NLN: variants seen among roughly 807,000 people sequenced by gnomAD.
The protein encoded by NLN is neurolysin.
A neutral mutation model predicts 79.9 loss-of-function variants in NLN; 64 were observed. The observed-to-expected ratio is 0.80, with a 90% CI of 0.65 to 0.99. The LOEUF (loss-of-function observed/expected upper bound fraction) is 0.99. NLN is among the 50% of genes least tolerant of loss of function. NLN has a pLI of 0.00. For missense variants in NLN, 835 were observed against 858.7 expected (o/e 0.97, Z 0.34); for synonymous variants, 267 against 296.6 (o/e 0.90, Z 1.02).
Position 65,823,170 on chromosome 5 carries a change from A to C in NLN, c.*255A>C. On this transcript the variant is annotated 3_prime_UTR_variant, in exon 13 of 13. Coordinates refer to ENST00000380985, the MANE Select transcript of NLN (RefSeq NM_020726.5). ...TTTGATTTCTTTTTATGAAAGTTTC[A>C]TATGAATGTAACTTGATTTTTTACT... is the stretch of plus-strand genomic sequence containing the variant. 1 of 368,066 alleles carries C rather than the reference A, an allele frequency of 2.7e-6. No individual in the cohort carries two copies. Among genetic ancestry groups the C allele is most frequent in the South Asian group, 4.5e-5 (1 of 22,254 alleles). 22.8% of individuals were successfully genotyped at this position (368,066 alleles called of 1,614,324 possible). A position where few individuals can be genotyped will look rare whatever the true frequency, so the allele number is the denominator to read the frequency against.
intron 3 of NLN, among the ~76,000 whole-genome samples, chr5:65,775,908 A>G (rs964173587): frequency 1.3e-5 from 2 of 152,236 alleles, no homozygotes; most frequent in African/African-American, 2.4e-5. Flanking sequence ...TCCACTGAGG[A>G]TAACCTCAGA....
intron 1 of NLN, among the ~76,000 whole-genome samples, chr5:65,736,926 C>T (rs1406505155): frequency 6.6e-6 from 1 of 152,088 alleles, no homozygotes; most frequent in South Asian, 2.1e-4. Flanking sequence ...TATAGGAACA[C>T]CCTGTATCTA....
chr5:65,799,511 T>C (rs1027614856), intron 9 of NLN, among the ~76,000 whole-genome samples: 7 of 152,228 alleles, frequency 4.6e-5, no homozygotes, highest in African/African-American at 1.7e-4. Context: ...CAGATATTTA[T>C]TGGACATCCT....
chr5:65,795,852 T>C (rs980270719), intron 9 of NLN, among the ~76,000 whole-genome samples: 2 of 152,218 alleles, frequency 1.3e-5, no homozygotes, highest in Non-Finnish European at 2.9e-5. Flanking sequence ...GTCAAAAATA[T>C]TTTTCTTAAT....
intron 12 of NLN, among the ~76,000 whole-genome samples, chr5:65,813,554 C>G (rs1416041921): frequency 6.6e-6 from 1 of 152,020 alleles, no homozygotes; most frequent in Non-Finnish European, 1.5e-5. Context: ...CAACTCCATT[C>G]CCCTTATTGA....
At chr5:65,790,965 T>C (rs1760045187) in intron 8 of NLN, among the ~76,000 whole-genome samples, 1 of 152,226 alleles carries the variant, frequency 6.6e-6, no homozygotes, top group African/African-American at 2.4e-5. Flanking sequence ...TGGTCATTGC[T>C]ACCAGCACCC....
intron 3 of NLN, among the ~76,000 whole-genome samples, chr5:65,765,972 A>G (rs1350625204): frequency 6.6e-6 from 1 of 152,220 alleles, no homozygotes; most frequent in Non-Finnish European, 1.5e-5. Flanking sequence ...TCTTCATGCA[A>G]TATGGGCTCC....
chr5:65,769,254 A>C (rs1759517380), intron 3 of NLN, among the ~76,000 whole-genome samples: 1 of 152,172 alleles, frequency 6.6e-6, no homozygotes, highest in Admixed American at 6.5e-5. Flanking sequence ...ATGTTTCAAA[A>C]CCTTCAAAAT....
intron 1 of NLN, among the ~76,000 whole-genome samples, chr5:65,723,292 T>A (rs973644171): frequency 1.3e-5 from 2 of 152,210 alleles, no homozygotes; most frequent in African/African-American, 4.8e-5. Flanking sequence ...ACATTGCCAC[T>A]CGTCTGTGTG....
At chr5:65,808,006 C>G (rs1279499635) in intron 9 of NLN, among the ~76,000 whole-genome samples, 1 of 152,152 alleles carries the variant, frequency 6.6e-6, no homozygotes, top group Non-Finnish European at 1.5e-5. Context: ...TAATCTTACA[C>G]TATCATATAC....
chr5:65,732,408 A>C (rs1407540264), intron 1 of NLN, among the ~76,000 whole-genome samples: 1 of 127,474 alleles, frequency 7.8e-6, no homozygotes. Flanking sequence ...TGAAACTTAC[A>C]CTTCATATAG....
chr5:65,783,744 A>G (rs1183483600), intron 6 of NLN, among the ~76,000 whole-genome samples: 1 of 152,130 alleles, frequency 6.6e-6, no homozygotes, highest in Non-Finnish European at 1.5e-5. Context: ...ACTAAAAGAA[A>G]AAATGAGAGA....
intron 6 of NLN, among the ~76,000 whole-genome samples, chr5:65,784,972 G>C (rs940078908): frequency 6.6e-6 from 1 of 152,106 alleles, no homozygotes; most frequent in Admixed American, 6.5e-5. Context: ...ATACCTTAAA[G>C]GGTCATCCAT....
intron 3 of NLN, among the ~76,000 whole-genome samples, chr5:65,769,942 G>T (rs1759533366): frequency 6.6e-6 from 1 of 152,188 alleles, no homozygotes; most frequent in South Asian, 2.1e-4. Flanking sequence ...ACTAAAGTGA[G>T]AAACCAGTTA....
chr5:65,764,684 C>T (rs748847781), intron 3 of NLN, among the ~76,000 whole-genome samples: 1 of 152,154 alleles, frequency 6.6e-6, no homozygotes, highest in Non-Finnish European at 1.5e-5. Context: ...TGGTTCATTT[C>T]GGGCCTTTAT....
In NLN at chr5:65,792,607, G is replaced by C. The variant is rs1365285642; in HGVS notation, c.1479G>C (p.Arg493Ser). 6.2e-7 allele frequency: 1 copy of C among 1,614,120 alleles called. No individual in the cohort carries two copies. Among genetic ancestry groups the C allele is most frequent in the Non-Finnish European group, 8.5e-7 (1 of 1,180,010 alleles). The change falls in exon 9 of 13, where the codon AGG becomes AGC. Residue 493 changes from arginine to serine, a missense_variant. Physicochemically the swap from Arg to Ser is moderately radical, Grantham distance 110. Transcript: ENST00000380985. ...CTCTCCTGAGACACGACGAGGTGAGGACTTACTTTCATGAGTTTGGTCACG... is the reference window on the plus strand; with the variant it reads ...CTCTCCTGAGACACGACGAGGTGAGCACTTACTTTCATGAGTTTGGTCACG... ...RPSLLRHDEV[R>S]TYFHEFGHVM...
At chr5:65,782,222 C>CAGGGACAAAAA (rs1759816296) in intron 6 of NLN, among the ~76,000 whole-genome samples, 1 of 152,096 alleles carries the variant, frequency 6.6e-6, no homozygotes, top group African/African-American at 2.4e-5. Context: ...CCAGTTTTGC[C>CAGGGACAAAAA]CACAGGGAAT....
chr5:65,781,183 C>T (rs918403106), intron 5 of NLN, 78 bp from the exon 6 acceptor site: 12 of 822,668 alleles, frequency 1.5e-5, no homozygotes, highest in Non-Finnish European at 2.3e-5. Flanking sequence ...CCTAGAGCTA[C>T]CAAAAGGCAC....
At chr5:65,766,451 C>T (rs1046268105) in intron 3 of NLN, among the ~76,000 whole-genome samples, 2 of 152,170 alleles carry the variant, frequency 1.3e-5, no homozygotes, top group Non-Finnish European at 2.9e-5. Context: ...ATCACGAGAA[C>T]AGCATGGGGG....
Sources: allele counts gnomAD v4.1 joint callset (sites outside exome capture counted in the v4.1 genomes callset), GRCh38; gene constraint gnomAD v4.1.1; transcripts MANE v1.5; gene names NCBI Gene and HGNC (gene_info 2026-07-23, HGNC 2026-07-21).